ZDBF2: variants seen among roughly 807,000 people sequenced by gnomAD.
ZDBF2 encodes DBF4-type zinc finger-containing protein 2.
A neutral mutation model predicts 9.4 loss-of-function variants in ZDBF2; 6 were observed. The ratio of observed to expected loss-of-function variants is 0.64; its 90% CI spans 0.35 to 1.27. ZDBF2 has a LOEUF of 1.27. ZDBF2 is among the 50% of genes most tolerant of loss of function. The pLI is 0.03. For missense variants in ZDBF2, 2,697 were observed against 2,766.8 expected (o/e 0.97, Z 0.57); for synonymous variants, 905 against 946.3 (o/e 0.96, Z 0.80).
In ZDBF2 at chr2:206,308,944, T is replaced by G. The variant is rs1239772451; in HGVS notation, c.4416T>G (p.Ser1472=). The change falls in exon 5 of 5, where the codon TCT becomes TCG. Residue 1472 remains serine (S), a synonymous_variant. Coordinates refer to ENST00000374423, the MANE Select transcript of ZDBF2 (RefSeq NM_020923.3). ...CAGAAGTTGACCAACCTCAAGTGTCTTACAAAGAGGCAGACCTTCAGAAGG... is the reference window on the plus strand; with the variant it reads ...CAGAAGTTGACCAACCTCAAGTGTCGTACAAAGAGGCAGACCTTCAGAAGG... ...LQSEVDQPQV[S]YKEADLQKEE... 2.5e-6 allele frequency: 4 copies of G among 1,613,374 alleles called. No homozygotes were observed. Among genetic ancestry groups the G allele is most frequent in the African/African-American group, 1.3e-5 (1 of 74,924 alleles).
At chr2:206,294,131 A>C (rs1279475328) in intron 3 of ZDBF2, among the ~76,000 whole-genome samples, 1 of 152,230 alleles carries the variant, frequency 6.6e-6, no homozygotes, top group Non-Finnish European at 1.5e-5. Flanking sequence ...GCTGAATGCA[A>C]TAGCATACAT....
rs780801614 is a variant in ZDBF2, at chr2:206,306,310, T to A, written c.1782T>A (p.Asp594Glu). Residue 594 changes from aspartate (D) to glutamate (E), a missense_variant, in exon 5 of 5, where the codon GAT (aspartate) becomes GAA (glutamate). Physicochemically the swap from Asp to Glu is conservative, Grantham distance 45. Around this residue, in one of 3 missense-constraint regions of ZDBF2, gnomAD observed 910 missense variants for 973.6 expected, o/e 0.93. Transcript: ENST00000374423. ...ATGTTTCTCTTGAGTCAGTAGTTGA[T>A]CATCCCCAACTGACTGTCAAAGGAA... ...DCDVSLESVV[D>E]HPQLTVKGRN... The A allele has an allele frequency of 6.2e-7, 1 of 1,613,698 alleles. No individual in the cohort carries two copies. The highest frequency in any genetic ancestry group is 1.1e-5 in the South Asian group (1 of 91,076).
chr2:206,300,240 C>A lies in ZDBF2; in HGVS notation c.188+2867C>A, dbSNP rs1393218713. Among the ~76,000 whole-genome samples, 4 of 152,140 alleles carry A rather than the reference C, an allele frequency of 2.6e-5. No homozygotes were observed. In the East Asian group the frequency reaches 7.7e-4, roughly 29 times the overall value. Reference sequence around the variant, plus strand: ...ACCATACTAACAGCTAATCTGTAGACCTTGTTTAAATTTTGTTGGTTGTCT... The same window carrying A: ...ACCATACTAACAGCTAATCTGTAGAACTTGTTTAAATTTTGTTGGTTGTCT... On this transcript the variant is annotated intron_variant, in intron 4 of 4. Transcript: ENST00000374423.
rs1230343736 is a variant in ZDBF2 at position 206,305,020 on chromosome 2, A to G, written c.492A>G (p.Leu164=). Reference sequence around the variant, plus strand: ...GGGCCAGTGTGAGAAAATGTAACCTAGTAGATATTGGTCAGGCTACAAATA... The same window carrying G: ...GGGCCAGTGTGAGAAAATGTAACCTGGTAGATATTGGTCAGGCTACAAATA... The part of the protein sequence containing the change: ...KIGASVRKCN[L]VDIGQATNNR... The change falls in exon 5 of 5, where the codon CTA becomes CTG. Residue 164 remains leucine, a synonymous_variant. Coordinates refer to ENST00000374423, the MANE Select transcript of ZDBF2 (RefSeq NM_020923.3). 6.2e-7 allele frequency: 1 copy of G among 1,613,742 alleles called. No homozygotes were observed. The highest frequency in any genetic ancestry group is 8.5e-7 in the Non-Finnish European group (1 of 1,179,782).
rs1404801772 is a variant in ZDBF2 at position 206,309,591 on chromosome 2, G to A, written c.5063G>A (p.Ser1688Asn). 1 of 1,613,752 alleles carries A rather than the reference G, an allele frequency of 6.2e-7. No individual in the cohort carries two copies. Among genetic ancestry groups the A allele is most frequent in the Admixed American group, 1.7e-5 (1 of 59,986 alleles). The change falls in exon 5 of 5, where the codon AGT (serine) becomes AAT (asparagine). Residue 1688 changes from serine (S) to asparagine (N), a missense_variant. Physicochemically the swap from Ser to Asn is conservative, Grantham distance 46 (BLOSUM62 1). Coordinates refer to ENST00000374423, the MANE Select transcript of ZDBF2 (RefSeq NM_020923.3). ...CTGCAGAAAGCTCACAAAGAAGCCA[G>A]TCTTCGGAAGGATCCAAGAAATGCT... is the stretch of plus-strand genomic sequence containing the variant. ...HRLQKAHKEASLRKDPRNAGL... is the reference protein window; with the variant it reads ...HRLQKAHKEANLRKDPRNAGL...
intron 1 of ZDBF2, among the ~76,000 whole-genome samples, chr2:206,278,233 A>G (rs1017384003): frequency 6.6e-6 from 1 of 152,214 alleles, no homozygotes; most frequent in African/African-American, 2.4e-5. Flanking sequence ...AAAAATTAAT[A>G]AAAGTCATTT....
chr2:206,275,698 A>T (rs1690958675), intron 1 of ZDBF2, among the ~76,000 whole-genome samples: 1 of 152,048 alleles, frequency 6.6e-6, no homozygotes, highest in South Asian at 2.1e-4. Context: ...TTACAGCAAT[A>T]TGCTACGTGT....
Position 206,309,527 on chromosome 2 carries a change from T to C in ZDBF2, c.4999T>C (p.Phe1667Leu), listed in dbSNP as rs866742390. 6.2e-7 allele frequency: 1 copy of C among 1,613,872 alleles called. No individual in the cohort carries two copies. The highest frequency in any genetic ancestry group is 1.3e-5 in the African/African-American group (1 of 74,996). Residue 1667 changes from phenylalanine (F) to leucine (L), a missense_variant, in exon 5 of 5, where the codon TTT becomes CTT. Transcript: ENST00000374423. Reference protein sequence around the residue: ...SCGYNGSKGKFNLEDTSHRTT... With the variant: ...SCGYNGSKGKLNLEDTSHRTT... ...TGGATATAATGGTTCTAAAGGAAAA[T>C]TTAATTTGGAAGACACTTCTCATCG...
At position 206,309,423 on chromosome 2, in the gene ZDBF2, C is replaced by G; in HGVS notation, c.4895C>G (p.Ser1632Cys). The change falls in exon 5 of 5, where the codon TCT becomes TGT. Residue 1632 changes from serine to cysteine, a missense_variant. This residue lies in a region of ZDBF2 where 1,783 missense variants were observed against 1,776.5 expected (regional missense o/e 1.00). Transcript: ENST00000374423. ...GAAATGAATTTTAATGTTGATGCCTCTGATCAGTCCATGACTTACGAGTCA... is the reference window on the plus strand; with the variant it reads ...GAAATGAATTTTAATGTTGATGCCTGTGATCAGTCCATGACTTACGAGTCA... ...GSEMNFNVDA[S>C]DQSMTYESQG... The G allele has an allele frequency of 6.2e-7, 1 of 1,613,776 alleles. No individual in the cohort carries two copies. Among genetic ancestry groups the G allele is most frequent in the South Asian group, 1.1e-5 (1 of 91,038 alleles).
In ZDBF2 at chr2:206,308,479, G is replaced by A. The variant is rs762322854; in HGVS notation, c.3951G>A (p.Leu1317=). ...INLLREEHVC[L]DDKGYVPSDS... ...TTTTGAGGGAGGAACATGTTTGTCT[G>A]GATGATAAGGGCTATGTGCCCAGTG... is the stretch of plus-strand genomic sequence containing the variant. The change falls in exon 5 of 5, where the codon CTG becomes CTA. Residue 1317 remains leucine, a synonymous_variant. Coordinates refer to ENST00000374423, the MANE Select transcript of ZDBF2 (RefSeq NM_020923.3). The A allele has an allele frequency of 1.1e-5, 18 of 1,613,482 alleles. No homozygotes were observed. Among genetic ancestry groups the A allele is most frequent in the Non-Finnish European group, 1.5e-5 (18 of 1,179,762 alleles).
At position 206,310,227 on chromosome 2, in the gene ZDBF2, T is replaced by C; in HGVS notation, c.5699T>C (p.Val1900Ala). The C allele has an allele frequency of 6.2e-7, 1 of 1,613,940 alleles. No individual in the cohort carries two copies. Among genetic ancestry groups the C allele is most frequent in the South Asian group, 1.1e-5 (1 of 91,074 alleles). Residue 1900 changes from valine (V) to alanine (A), a missense_variant, in exon 5 of 5, where the codon GTC becomes GCC. Val to Ala is a moderately conservative substitution (Grantham distance 64, BLOSUM62 0). Around this residue, in one of 3 missense-constraint regions of ZDBF2, gnomAD observed 1,783 missense variants for 1,776.5 expected, o/e 1.00. Coordinates refer to ENST00000374423, the MANE Select transcript of ZDBF2 (RefSeq NM_020923.3). ...GCTGTGTCAGAGAGTGATGATATTG[T>C]CTGTGGTATTTCAGATATTGATGAC... ...TQAVSESDDI[V>A]CGISDIDDLS...
chr2:206,279,443 C>T (rs1559130253), intron 1 of ZDBF2, 97 bp from the exon 2 acceptor site: 1 of 152,122 alleles, frequency 6.6e-6, no homozygotes, highest in East Asian at 1.9e-4. Context: ...TTATTGGAAA[C>T]ATGTCACCGT....
At chr2:206,291,851 G>C (rs1268152903) in intron 3 of ZDBF2, among the ~76,000 whole-genome samples, 1 of 152,122 alleles carries the variant, frequency 6.6e-6, no homozygotes, top group Non-Finnish European at 1.5e-5. Flanking sequence ...GAAGTAATAT[G>C]GGGCCCATAT....
At chr2:206,292,030 A>G (rs1691923510) in intron 3 of ZDBF2, 1 of 398,258 alleles carries the variant, frequency 2.5e-6, no homozygotes, top group Non-Finnish European at 4.4e-6. Flanking sequence ...ACTAAAGGAA[A>G]AACTAAAAAG....
rs1267752567 is a variant in ZDBF2 at position 206,281,835 on chromosome 2, A to G, written c.-15A>G. Reference sequence around the variant, plus strand: ...TCAAAGACAGTAGCCATCTGACTTCAGTTATTTATTCAAGATGCAGAAAAG... The same window carrying G: ...TCAAAGACAGTAGCCATCTGACTTCGGTTATTTATTCAAGATGCAGAAAAG... On this transcript the variant is annotated 5_prime_UTR_variant, in exon 3 of 5. Coordinates refer to ENST00000374423, the MANE Select transcript of ZDBF2 (RefSeq NM_020923.3). 1.2e-6 allele frequency: 2 copies of G among 1,611,704 alleles called. No homozygotes were observed. The highest frequency in any genetic ancestry group is 1.3e-5 in the African/African-American group (1 of 74,826).
intron 1 of ZDBF2, among the ~76,000 whole-genome samples, chr2:206,278,215 T>A (rs1215690869): frequency 6.6e-6 from 1 of 152,202 alleles, no homozygotes; most frequent in Non-Finnish European, 1.5e-5. Context: ...ATGCTTTACT[T>A]TTGTAATAAA....
In ZDBF2 at chr2:206,312,295, C is replaced by T. The variant is rs1441219476; in HGVS notation, c.*702C>T. The T allele has an allele frequency of 2.6e-5, 4 of 151,928 alleles. No individual in the cohort carries two copies. Among genetic ancestry groups the T allele is most frequent in the Admixed American group, 2.6e-4 (4 of 15,258 alleles). The allele number at this position is 151,928 out of a possible 1,614,324, so 9.4% of individuals were successfully genotyped here. A position where few individuals can be genotyped will look rare whatever the true frequency, so the allele number is the denominator to read the frequency against. Reference sequence around the variant, plus strand: ...GCATTCCCCCCCTTTTTTTTAACCACCTTTACTCTCTTCTACATGAAGAGT... The same window carrying T: ...GCATTCCCCCCCTTTTTTTTAACCATCTTTACTCTCTTCTACATGAAGAGT... On this transcript the variant is annotated 3_prime_UTR_variant, in exon 5 of 5. Transcript: ENST00000374423.
rs770272799 is a variant in ZDBF2 at position 206,310,633 on chromosome 2, G to C, written c.6105G>C (p.Trp2035Cys). The C allele has an allele frequency of 2.5e-6, 4 of 1,609,024 alleles. No individual in the cohort carries two copies. Among genetic ancestry groups the C allele is most frequent in the Non-Finnish European group, 3.4e-6 (4 of 1,177,382 alleles). The change falls in exon 5 of 5, where the codon TGG (tryptophan) becomes TGC (cysteine). Residue 2035 changes from tryptophan to cysteine, a missense_variant. Trp to Cys is a radical substitution (Grantham distance 215). Coordinates refer to ENST00000374423, the MANE Select transcript of ZDBF2 (RefSeq NM_020923.3). ...TCCCTAAAATGAGGCACCATAGTTGGGATAATGATATTCGGTTTATATGCA... is the reference window on the plus strand; with the variant it reads ...TCCCTAAAATGAGGCACCATAGTTGCGATAATGATATTCGGTTTATATGCA... ...LPFPKMRHHSWDNDIRFICKY... is the reference protein window; with the variant it reads ...LPFPKMRHHSCDNDIRFICKY...
In ZDBF2 at chr2:206,311,524, T is replaced by G. The variant is rs1189774950; in HGVS notation, c.6996T>G (p.Ser2332=). The G allele has an allele frequency of 7.6e-6, 12 of 1,570,576 alleles. No homozygotes were observed. Among genetic ancestry groups the G allele is most frequent in the Non-Finnish European group, 1.0e-5 (12 of 1,163,030 alleles). The part of the protein sequence containing the change: ...PVRAYDLRSS[S]CLQQRERMMT... ...GAGCATATGATCTGAGAAGCTCATC[T>G]TGTTTACAACAACGTGAGAGAATGA... The change falls in exon 5 of 5, where the codon TCT becomes TCG. Residue 2332 remains serine, a synonymous_variant. Coordinates refer to ENST00000374423, the MANE Select transcript of ZDBF2 (RefSeq NM_020923.3).
Sources: gnomAD v4.1 joint callset for allele counts (sites outside exome capture counted in the v4.1 genomes callset) on GRCh38, gnomAD v4.1.1 for gene constraint, gnomAD v4.1.1 regional missense constraint, MANE v1.5 for transcripts, NCBI Gene and HGNC (gene_info 2026-07-23, HGNC 2026-07-21) for gene names.